Variants in WDR26 observed in about 807,000 individuals in gnomAD.
WDR26 encodes the protein WD repeat domain 26, also known as WD repeat-containing protein 26.
WDR26 carries 5 observed loss-of-function variants against 84.1 expected under a neutral mutation model. The observed-to-expected ratio is 0.06, with a 90% CI of 0.03 to 0.13. The LOEUF is 0.13. Ranked by LOEUF, WDR26 falls within the 10% of genes least tolerant of loss-of-function variation. The pLI is 1.00. For synonymous variants in WDR26, 415 were observed against 389.6 expected (o/e 1.07, Z -0.77); for missense variants, 642 against 974.9 (o/e 0.66, Z 4.55).
chr1:224,413,348 A>G, intron 6 of WDR26: 6 of 1,210,082 alleles, frequency 5.0e-6, no homozygotes, highest in Non-Finnish European at 6.4e-6. Context: ...GAAACAAAAT[A>G]TACATTTAAA....
intron 8 of WDR26, among the ~76,000 whole-genome samples, chr1:224,402,958 TA>T (rs1673456330): frequency 6.6e-6 from 1 of 152,222 alleles, no homozygotes; most frequent in Non-Finnish European, 1.5e-5. Context: ...GGTAGAACGT[TA>T]TTTTTTAAAA....
At chr1:224,412,937 C>G (rs188334446) in intron 6 of WDR26, 1 of 154,196 alleles carries the variant, frequency 6.5e-6, no homozygotes, top group Non-Finnish European at 1.4e-5. Context: ...ACGTGTAATC[C>G]CAGCACTTTG....
intron 4 of WDR26, among the ~76,000 whole-genome samples, chr1:224,423,543 G>C (rs992272304): frequency 2.0e-5 from 3 of 152,184 alleles, no homozygotes; most frequent in Non-Finnish European, 2.9e-5. Flanking sequence ...GTTAGGAGGA[G>C]TTCAAGGCCA....
At chr1:224,390,702 G>A (rs766523054) in intron 13 of WDR26, among the ~76,000 whole-genome samples, 9 of 152,134 alleles carry the variant, frequency 5.9e-5, no homozygotes, top group Middle Eastern at 3.4e-3. Flanking sequence ...CCCGGGAGGC[G>A]GAGGTTGCAG....
At chr1:224,422,035 G>C (rs1196147737) in intron 4 of WDR26, among the ~76,000 whole-genome samples, 1 of 152,134 alleles carries the variant, frequency 6.6e-6, no homozygotes, top group Non-Finnish European at 1.5e-5. Context: ...ATATCATATA[G>C]TGAAAAATGC....
In WDR26 at chr1:224,410,821, C is replaced by T. The variant is rs561556974; in HGVS notation, c.1458+606G>A. Among the ~76,000 whole-genome samples the T allele has an allele frequency of 4.6e-5, 7 of 151,388 alleles. No individual in the cohort carries two copies. The South Asian group carries it at 1.5e-3, about 32-fold the overall frequency. On this transcript the variant is annotated intron_variant, in intron 7 of 13. Transcript: ENST00000414423. ...TCAAGTGATCCTCCCACTTCATCCT[C>T]TTGAATAGCTGGGACGACTGGTGTG...
intron 7 of WDR26, among the ~76,000 whole-genome samples, chr1:224,409,443 T>C (rs1008649817): frequency 2.0e-5 from 3 of 152,144 alleles, no homozygotes; most frequent in Admixed American, 6.5e-5. Context: ...AGGTACGTGG[T>C]ACCAAAAAAA....
intron 13 of WDR26, 42 bp from the exon 14 acceptor site, chr1:224,389,902 G>GCC: frequency 5.3e-6 from 2 of 376,258 alleles, no homozygotes; most frequent in Non-Finnish European, 1.0e-5. Context: ...GCGGGCGGGG[G>GCC]AGGGAAGAGG....
chr1:224,423,880 G>GT (rs1241672841), intron 4 of WDR26, among the ~76,000 whole-genome samples: 1 of 152,112 alleles, frequency 6.6e-6, no homozygotes, highest in Non-Finnish European at 1.5e-5. Context: ...CCTAAAAAGA[G>GT]TATGTAGATA....
At chr1:224,409,579 A>G (rs1280225431) in intron 7 of WDR26, among the ~76,000 whole-genome samples, 1 of 152,128 alleles carries the variant, frequency 6.6e-6, no homozygotes, top group Non-Finnish European at 1.5e-5. Flanking sequence ...AAGAACTGTT[A>G]GGCTGGGAAT....
chr1:224,434,247 A>T lies in WDR26; in HGVS notation c.159T>A (p.Pro53=). Residue 53 remains proline, a synonymous_variant, in exon 1 of 14, where the codon CCT becomes CCA. Transcript: ENST00000414423. ...AGGAGGACGAGGACGACGAGGACGG[A>T]GGGGAGAGGCCTGCTCTGCCTGCCG... The T allele has an allele frequency of 7.3e-7, 1 of 1,370,910 alleles. No homozygotes were observed. Among genetic ancestry groups the T allele is most frequent in the Non-Finnish European group, 9.4e-7 (1 of 1,066,296 alleles). The allele number at this position is 1,370,910 out of a possible 1,614,324, so 84.9% of individuals were successfully genotyped here. A position where few individuals can be genotyped will look rare whatever the true frequency, so the allele number is the denominator to read the frequency against.
chr1:224,401,176 C>T, intron 8 of WDR26, 107 bp from the exon 9 acceptor site: 1 of 1,096,294 alleles, frequency 9.1e-7, no homozygotes, highest in African/African-American at 1.6e-5. Flanking sequence ...CCAGTTCATT[C>T]TAAGTAGAGT....
intron 6 of WDR26, among the ~76,000 whole-genome samples, chr1:224,414,808 C>T (rs540644921): frequency 1.2e-5 from 1 of 85,088 alleles, no homozygotes; most frequent in East Asian, 1.3e-3. Flanking sequence ...AGTGAGCAAC[C>T]CCATCTCCAA....
chr1:224,405,426 G>A (rs1367509437), intron 7 of WDR26, among the ~76,000 whole-genome samples: 1 of 151,946 alleles, frequency 6.6e-6, no homozygotes, highest in Non-Finnish European at 1.5e-5. Flanking sequence ...CATTTCTCTT[G>A]GGTATATACA....
chr1:224,400,648 C>G (rs2102893639), intron 9 of WDR26, among the ~76,000 whole-genome samples: 1 of 152,282 alleles, frequency 6.6e-6, no homozygotes, highest in African/African-American at 2.4e-5. Flanking sequence ...TGAGTTCAAG[C>G]AATTCTCCTG....
chr1:224,416,508 G>A (rs1056589438), intron 6 of WDR26, among the ~76,000 whole-genome samples: 5 of 152,192 alleles, frequency 3.3e-5, no homozygotes, highest in African/African-American at 1.2e-4. Context: ...TTACAGGCGT[G>A]AGCCACCACA....
In WDR26 at chr1:224,401,181, T is replaced by C. The variant is rs145493107; in HGVS notation, c.1600-112A>G. On this transcript the variant is annotated intron_variant, in intron 8 of 13. Coordinates refer to ENST00000414423, the MANE Select transcript of WDR26 (RefSeq NM_001379403.1). ...GGCTGGTTTCCCAGTTCATTCTAAG[T>C]AGAGTAATGAATTAAGTGACCCTAC... is the stretch of plus-strand genomic sequence containing the variant. 5.9e-5 allele frequency: 61 copies of C among 1,040,798 alleles called. No individual in the cohort carries two copies. In the African/African-American group the frequency reaches 9.9e-4, roughly 17 times the overall value. The allele number at this position is 1,040,798 out of a possible 1,614,324, so 64.5% of individuals were successfully genotyped here. A position where few individuals can be genotyped will look rare whatever the true frequency, so the allele number is the denominator to read the frequency against.
At chr1:224,407,656 G>A (rs1306606993) in intron 7 of WDR26, among the ~76,000 whole-genome samples, 1 of 151,346 alleles carries the variant, frequency 6.6e-6, no homozygotes, top group Non-Finnish European at 1.5e-5. Context: ...CTACAGGCAC[G>A]CACTACCATG....
chr1:224,428,529 G>A (rs552499293), intron 3 of WDR26, among the ~76,000 whole-genome samples: 3 of 152,138 alleles, frequency 2.0e-5, no homozygotes, highest in Admixed American at 2.0e-4. Flanking sequence ...CATAAAAAAA[G>A]TTTTCTATTA....
Sources: gnomAD v4.1 joint callset for allele counts (sites outside exome capture counted in the v4.1 genomes callset) on GRCh38, gnomAD v4.1.1 for gene constraint, MANE v1.5 for transcripts, NCBI Gene and HGNC (gene_info 2026-07-23, HGNC 2026-07-21) for gene names.